HIBCH: variants seen among roughly 807,000 people sequenced by gnomAD.
HIBCH encodes 3-hydroxyisobutyryl-CoA hydrolase.
In HIBCH, 50 loss-of-function variants were observed where a neutral mutation model predicts 58.2. The ratio of observed to expected loss-of-function variants is 0.86; its 90% confidence interval spans 0.68 to 1.09. The LOEUF is 1.09. HIBCH is among the 50% of genes least tolerant of loss of function. The pLI is 0.00. For missense variants in HIBCH, 450 were observed against 449.7 expected (o/e 1.00, Z -0.01); for synonymous variants, 151 against 146.9 (o/e 1.03, Z -0.20).
chr2:190,228,274 C>T (rs560079532), intron 11 of HIBCH, among the ~76,000 whole-genome samples: 511 of 152,066 alleles, frequency 3.4e-3, no homozygotes, highest in African/African-American at 0.012. Flanking sequence ...AGCTGGAAAT[C>T]ATCATTCTCA....
chr2:190,256,573 C>T (rs555867837), intron 7 of HIBCH, among the ~76,000 whole-genome samples: 26 of 151,258 alleles, frequency 1.7e-4, no homozygotes, highest in South Asian at 1.5e-3. Context: ...ATCCAGCACC[C>T]GACAAAGTAA....
intron 13 of HIBCH, among the ~76,000 whole-genome samples, chr2:190,208,322 G>A (rs553249962): frequency 1.1e-4 from 17 of 152,260 alleles, no homozygotes; most frequent in African/African-American, 4.1e-4. Flanking sequence ...GGATTTGAGG[G>A]CTTTTTGTAA....
At chr2:190,194,499 C>T (rs1161379561) in intron 1 of HIBCH, among the ~76,000 whole-genome samples, 1 of 145,998 alleles carries the variant, frequency 6.8e-6, no homozygotes, top group Non-Finnish European at 1.5e-5. Flanking sequence ...CACACACACA[C>T]ACACACACAC....
intron 6 of HIBCH, among the ~76,000 whole-genome samples, chr2:190,275,543 T>G (rs935031119): frequency 1.1e-4 from 17 of 152,174 alleles, no homozygotes; most frequent in Non-Finnish European, 2.1e-4. Context: ...AGGGCCCCTA[T>G]CAGAGCAATA....
chr2:190,245,040 A>G, intron 10 of HIBCH, 72 bp from the exon 11 acceptor site: 1 of 953,032 alleles, frequency 1.0e-6, no homozygotes, highest in Non-Finnish European at 1.7e-6. Flanking sequence ...ATGAATCTGA[A>G]CATAGGCTTT....
intron 2 of HIBCH, among the ~76,000 whole-genome samples, chr2:190,301,727 TTCAAGA>T (rs1359750488): frequency 3.9e-5 from 6 of 152,244 alleles, no homozygotes; most frequent in African/African-American, 7.2e-5. Context: ...GGCTAGGAAG[TTCAAGA>T]TCAAGATCAA....
chr2:190,315,236 C>G lies in HIBCH; in HGVS notation c.36-4440G>C, dbSNP rs938862076. Among the ~76,000 whole-genome samples the G allele has an allele frequency of 3.9e-5, 6 of 152,196 alleles. No homozygotes were observed. The highest frequency in any genetic ancestry group is 1.4e-4 in the African/African-American group (6 of 41,452). On this transcript the variant is annotated intron_variant, in intron 1 of 13. Coordinates refer to ENST00000359678, the MANE Select transcript of HIBCH (RefSeq NM_014362.4). This position sits in a 1 kb window ranked among gnomAD's most constrained non-coding sequence, Gnocchi z 5.4. ...AAAGTGCTGAAATTACAGGCATGAG[C>G]CACTGTGCCCGGCCTGCTACTTCTA...
chr2:190,272,619 T>C (rs985001814), intron 6 of HIBCH, among the ~76,000 whole-genome samples: 1 of 151,124 alleles, frequency 6.6e-6, no homozygotes, highest in Non-Finnish European at 1.5e-5. Flanking sequence ...ACCCAAAACC[T>C]GACCAATATG....
At chr2:190,246,428 T>C (rs1686610477) in intron 9 of HIBCH, among the ~76,000 whole-genome samples, 1 of 152,212 alleles carries the variant, frequency 6.6e-6, no homozygotes, top group South Asian at 2.1e-4. Flanking sequence ...GCAAAAATGT[T>C]CTAGTATTTT....
chr2:190,228,001 C>T (rs1003307156), intron 11 of HIBCH, among the ~76,000 whole-genome samples: 2 of 152,272 alleles, frequency 1.3e-5, no homozygotes, highest in South Asian at 2.1e-4. Flanking sequence ...GGCAATTCCT[C>T]AAGGATCTAG....
chr2:190,238,209 A>C (rs1377453434), intron 11 of HIBCH, among the ~76,000 whole-genome samples: 2 of 152,122 alleles, frequency 1.3e-5, no homozygotes, highest in Non-Finnish European at 1.5e-5. Context: ...GCTGGGTCAT[A>C]TGGTATTTCT....
intron 2 of HIBCH, among the ~76,000 whole-genome samples, chr2:190,308,358 T>C (rs1575764571): frequency 6.6e-6 from 1 of 152,202 alleles, no homozygotes; most frequent in Non-Finnish European, 1.5e-5. Context: ...TTCGAGTATT[T>C]GCCCCCTCCC....
chr2:190,201,050 T>G (rs769096054), downstream of HIBCH: 1 of 151,228 alleles, frequency 6.6e-6, no homozygotes, highest in Non-Finnish European at 1.6e-5. Flanking sequence ...ACCATTAAAA[T>G]AGACCAGATA....
intron 6 of HIBCH, among the ~76,000 whole-genome samples, chr2:190,271,543 A>G (rs2582768): frequency 0.97 from 147,986 of 152,038 alleles, 72,064 homozygotes; most frequent in Admixed American, 0.98. Context: ...CACTGCCTCC[A>G]CCTCCCAAAG....
At chr2:190,213,395 A>C in intron 11 of HIBCH, 1 of 330,498 alleles carries the variant, frequency 3.0e-6, no homozygotes, top group Non-Finnish European at 5.8e-6. Context: ...ACACCTTACA[A>C]ACCAATCATA....
intron 1 of HIBCH, among the ~76,000 whole-genome samples, chr2:190,318,695 C>T (rs981583758): frequency 1.3e-5 from 2 of 152,164 alleles, no homozygotes; most frequent in African/African-American, 4.8e-5. Context: ...GTTTGTTTCT[C>T]TATTTGCTAT....
intron 6 of HIBCH, among the ~76,000 whole-genome samples, chr2:190,264,557 T>C (rs191877710): frequency 1.8e-4 from 27 of 152,346 alleles, no homozygotes; most frequent in Admixed American, 3.9e-4. Flanking sequence ...ACAGAATATA[T>C]ATTACTATCT....
At chr2:190,193,940 C>T (rs1487888358) in intron 1 of HIBCH, among the ~76,000 whole-genome samples, 5 of 152,112 alleles carry the variant, frequency 3.3e-5, no homozygotes, top group African/African-American at 1.2e-4. Flanking sequence ...AAATTTCCTT[C>T]TAAGCTCTAA....
intron 11 of HIBCH, among the ~76,000 whole-genome samples, chr2:190,222,633 G>A (rs1228657124): frequency 6.6e-6 from 1 of 152,200 alleles, no homozygotes; most frequent in Non-Finnish European, 1.5e-5. Context: ...AGATCCTGGA[G>A]AGGCTGTGGA....
Sources: gnomAD v4.1 joint callset for allele counts (sites outside exome capture counted in the v4.1 genomes callset) on GRCh38, gnomAD v4.1.1 for gene constraint, Gnocchi (gnomAD v3.1) non-coding constraint, MANE v1.5 for transcripts, NCBI Gene and HGNC (gene_info 2026-07-23, HGNC 2026-07-21) for gene names.